The following UFL1 variants were observed in gnomAD, a reference collection of about 807,000 sequenced individuals.
UFL1 encodes the protein UFM1 specific ligase 1, also known as E3 UFM1-protein ligase 1.
Under a neutral mutation model 99.3 loss-of-function variants are expected in UFL1, and 78 were observed. The observed-to-expected ratio is 0.79, with a 90% CI of 0.65 to 0.95. The LOEUF (loss-of-function observed/expected upper bound fraction) is 0.95, where lower values mean the gene tolerates loss of function less well. Ranked by LOEUF, UFL1 falls within the 40% of genes least tolerant of loss-of-function variation. The pLI, the probability that UFL1 is intolerant of heterozygous loss-of-function variation, is 0.00. For missense variants in UFL1, 936 were observed against 937.0 expected, an observed-to-expected ratio of 1.00 and a Z score of 0.01; for synonymous variants, 335 against 322.2, an observed-to-expected ratio of 1.04 and a Z score of -0.42.
rs141003713 is a variant in UFL1, at chr6:96,552,018, A to G, written c.1985+95A>G. On this transcript the variant is annotated intron_variant, in intron 17 of 18. Transcript: ENST00000369278. The stretch of plus-strand genomic sequence containing the variant: ...TTGACTGCCCGGCTCTTACACAGAG[A>G]ATATGTACCTAATGTGTCTAATATA... 2.8e-4 allele frequency: 224 copies of G among 806,614 alleles called. 2 individuals carry two copies. The highest frequency in any genetic ancestry group is 1.7e-3 in the African/African-American group (96 of 57,756). 50.0% of individuals were successfully genotyped at this position (806,614 alleles called of 1,614,324 possible).
At chr6:96,552,986 A>T (rs940319031) in intron 18 of UFL1, among the ~76,000 whole-genome samples, 17 of 151,830 alleles carry the variant, frequency 1.1e-4, no homozygotes, top group Admixed American at 8.5e-4. Flanking sequence ...TAGCTAAAAA[A>T]CCCCTCAGCT....
At chr6:96,550,747 T>C (rs1770066386) in intron 15 of UFL1, among the ~76,000 whole-genome samples, 1 of 151,974 alleles carries the variant, frequency 6.6e-6, no homozygotes, top group Admixed American at 6.6e-5. Context: ...CAATCTCTGC[T>C]ATGGAAAATA....
chr6:96,529,480 C>T (rs893104693), intron 6 of UFL1, among the ~76,000 whole-genome samples: 1 of 152,206 alleles, frequency 6.6e-6, no homozygotes, highest in African/African-American at 2.4e-5. Context: ...GCACTGATGT[C>T]TCATTATCTG....
chr6:96,530,558 A>G (rs1344396034), intron 6 of UFL1, among the ~76,000 whole-genome samples: 3 of 152,230 alleles, frequency 2.0e-5, no homozygotes, highest in Middle Eastern at 3.4e-3. Flanking sequence ...TTAAATCACT[A>G]TGGACTCATG....
rs893493010 is a variant in UFL1 at position 96,554,365 on chromosome 6, T to C, written c.*862T>C. 1.3e-5 allele frequency: 2 copies of C among 152,198 alleles called. No individual in the cohort carries two copies. Among genetic ancestry groups the C allele is most frequent in the Non-Finnish European group, 2.9e-5 (2 of 68,036 alleles). The allele number at this position is 152,198 out of a possible 1,614,324, so 9.4% of individuals were successfully genotyped here. ...TGTAAATACTAGTGTGAAAAACAGA[T>C]AGGATGCCTTTTCCAGTGGTAGGAG... On this transcript the variant is annotated 3_prime_UTR_variant, in exon 19 of 19. Coordinates refer to ENST00000369278, the MANE Select transcript of UFL1 (RefSeq NM_015323.5).
intron 6 of UFL1, among the ~76,000 whole-genome samples, chr6:96,533,075 A>C (rs1288487950): frequency 6.6e-6 from 1 of 152,154 alleles, no homozygotes; most frequent in Non-Finnish European, 1.5e-5. Flanking sequence ...AGAATTACTT[A>C]AGTCGTTTTG....
chr6:96,541,581 T>A (rs191461709), intron 11 of UFL1, among the ~76,000 whole-genome samples: 3 of 151,160 alleles, frequency 2.0e-5, no homozygotes, highest in Admixed American at 1.3e-4. Flanking sequence ...AATGGCATTA[T>A]GAAATTTCTC....
Position 96,553,691 on chromosome 6 carries a change from TG to T in UFL1, c.*191del, listed in dbSNP as rs1770114457. ...TAAAAAGATGTGAATTTTTGTAAAT[TG>T]GGTTCTTCATGGAAGTTTTTTTCCA... On this transcript the variant is annotated 3_prime_UTR_variant, in exon 19 of 19. Coordinates refer to ENST00000369278, the MANE Select transcript of UFL1 (RefSeq NM_015323.5). 4.6e-6 allele frequency: 2 copies of T among 434,550 alleles called. No individual in the cohort carries two copies. The highest frequency in any genetic ancestry group is 8.0e-6 in the Non-Finnish European group (2 of 250,378). The allele number at this position is 434,550 out of a possible 1,614,324, so 26.9% of individuals were successfully genotyped here.
chr6:96,540,459 T>G, intron 10 of UFL1, 76 bp from the exon 11 acceptor site: 1 of 1,488,822 alleles, frequency 6.7e-7, no homozygotes, highest in South Asian at 1.3e-5. Context: ...GAATAATTAG[T>G]GAGTATATAA....
intron 12 of UFL1, among the ~76,000 whole-genome samples, chr6:96,547,156 G>A (rs1444941926): frequency 1.3e-5 from 2 of 151,492 alleles, no homozygotes; most frequent in Non-Finnish European, 1.5e-5. Flanking sequence ...ATTGAAAACT[G>A]AGCAAAGGAT....
At position 96,540,635 on chromosome 6, in the gene UFL1, A is replaced by T; in HGVS notation, c.1259A>T (p.Glu420Val). 6.3e-7 allele frequency: 1 copy of T among 1,599,784 alleles called. No individual in the cohort carries two copies. Among genetic ancestry groups the T allele is most frequent in the African/African-American group, 1.4e-5 (1 of 73,944 alleles). The change falls in exon 11 of 19, where the codon GAG (glutamate) becomes GTG (valine). Residue 420 changes from glutamate (E) to valine (V), a missense_variant. Physicochemically the swap from Glu to Val is moderately radical, Grantham distance 121 (BLOSUM62 -2). Transcript: ENST00000369278. ...VSTSKKDKKD[E>V]RRRKATEGSG... ...ACAAGTAAAAAGGATAAAAAAGATGAGCGAAGAAGGAAAGCAACAGGTAAT... is the reference window on the plus strand; with the variant it reads ...ACAAGTAAAAAGGATAAAAAAGATGTGCGAAGAAGGAAAGCAACAGGTAAT...
chr6:96,543,430 G>A (rs534647163), intron 12 of UFL1, among the ~76,000 whole-genome samples: 3 of 151,194 alleles, frequency 2.0e-5, no homozygotes, highest in Admixed American at 6.6e-5. Context: ...AGTGATAAAC[G>A]CTATGATATT....
chr6:96,542,165 G>A (rs1769939759), intron 11 of UFL1, among the ~76,000 whole-genome samples: 1 of 151,220 alleles, frequency 6.6e-6, no homozygotes, highest in African/African-American at 2.4e-5. Context: ...TCAAAGAGCA[G>A]GGAAATGCTG....
At chr6:96,531,114 G>A (rs1388106600) in intron 6 of UFL1, among the ~76,000 whole-genome samples, 1 of 152,236 alleles carries the variant, frequency 6.6e-6, no homozygotes, top group Non-Finnish European at 1.5e-5. Flanking sequence ...CCTAATGCCT[G>A]ATGATCTGAG....
intron 4 of UFL1, among the ~76,000 whole-genome samples, chr6:96,525,656 A>G (rs992374777): frequency 1.3e-5 from 2 of 151,528 alleles, no homozygotes; most frequent in African/African-American, 2.4e-5. Flanking sequence ...CCTACGTAAC[A>G]TAGCAAAGAT....
intron 17 of UFL1, 36 bp from the exon 18 acceptor site, chr6:96,552,446 A>C: frequency 6.6e-7 from 1 of 1,514,124 alleles, no homozygotes; most frequent in Non-Finnish European, 8.8e-7. Flanking sequence ...TTCTTAAATT[A>C]TGATAATGAA....
At chr6:96,528,958 C>G (rs1466319453) in intron 6 of UFL1, among the ~76,000 whole-genome samples, 1 of 152,242 alleles carries the variant, frequency 6.6e-6, no homozygotes, top group South Asian at 2.1e-4. Context: ...AAAGAACATG[C>G]AATTTAAAGT....
At chr6:96,549,913 A>C in intron 15 of UFL1, 114 bp downstream of exon 15, 1 of 1,445,160 alleles carries the variant, frequency 6.9e-7, no homozygotes, top group South Asian at 1.4e-5. Context: ...AAGAGGTTTG[A>C]GGAAAAAAAT....
intron 6 of UFL1, among the ~76,000 whole-genome samples, chr6:96,532,455 A>G (rs1005104775): frequency 6.6e-6 from 1 of 152,224 alleles, no homozygotes; most frequent in Admixed American, 6.5e-5. Context: ...TTTGATCACC[A>G]ATGTGGCAGT....
Sources: allele counts gnomAD v4.1 joint callset (sites outside exome capture counted in the v4.1 genomes callset), GRCh38; gene constraint gnomAD v4.1.1; transcripts MANE v1.5; gene names NCBI Gene and HGNC (gene_info 2026-07-23, HGNC 2026-07-21).